The following ZMYND8 variants were observed in gnomAD, a reference collection of about 807,000 sequenced individuals.
ZMYND8 encodes the protein MYND-type zinc finger-containing chromatin reader ZMYND8.
In ZMYND8, 37 loss-of-function variants were observed where a neutral mutation model predicts 140.8. The observed-to-expected ratio is 0.26, with a 90% CI of 0.20 to 0.35. The LOEUF (loss-of-function observed/expected upper bound fraction) is 0.35, where lower values mean the gene tolerates loss of function less well. ZMYND8 is among the 10% of genes least tolerant of loss of function. The pLI is 1.00. For missense variants in ZMYND8, 1,068 were observed against 1,570.0 expected (o/e 0.68, Z 5.40); for synonymous variants, 592 against 597.1 (o/e 0.99, Z 0.12).
At chr20:47,306,208 A>T (rs1433976175) in intron 3 of ZMYND8, among the ~76,000 whole-genome samples, 2 of 152,272 alleles carry the variant, frequency 1.3e-5, no homozygotes, top group East Asian at 3.9e-4. Flanking sequence ...GGCAAGAAAG[A>T]AAGTGAGACC....
intron 11 of ZMYND8, among the ~76,000 whole-genome samples, chr20:47,265,671 G>A (rs1180927441): frequency 6.6e-6 from 1 of 152,162 alleles, no homozygotes; most frequent in Non-Finnish European, 1.5e-5. Flanking sequence ...TCGAACTCCT[G>A]ACCTCAGGTG....
At chr20:47,272,759 A>G (rs2076035397) in intron 11 of ZMYND8, among the ~76,000 whole-genome samples, 1 of 152,234 alleles carries the variant, frequency 6.6e-6, no homozygotes, top group Non-Finnish European at 1.5e-5. Context: ...ACTGTTGTAC[A>G]AGTTTTATGC....
At chr20:47,224,701 C>A (rs1406273891) in intron 18 of ZMYND8, 145 bp from the exon 19 acceptor site, 2 of 1,410,416 alleles carry the variant, frequency 1.4e-6, no homozygotes, top group African/African-American at 2.8e-5. Context: ...AATAACCTAG[C>A]CCGAGTCTTC....
At chr20:47,290,544 T>G (rs952624310) in intron 6 of ZMYND8, among the ~76,000 whole-genome samples, 1 of 151,962 alleles carries the variant, frequency 6.6e-6, no homozygotes, top group Non-Finnish European at 1.5e-5. Flanking sequence ...TCATTTATCA[T>G]GTAGCTTCTT....
At chr20:47,258,797 C>G (rs1211889257) in intron 12 of ZMYND8, among the ~76,000 whole-genome samples, 1 of 152,102 alleles carries the variant, frequency 6.6e-6, no homozygotes, top group Admixed American at 6.5e-5. Context: ...TTAACATTGC[C>G]CTGCTTGTTC....
chr20:47,320,633 G>T (rs372821087), intron 2 of ZMYND8: 2 of 152,384 alleles, frequency 1.3e-5, no homozygotes, highest in African/African-American at 4.8e-5. Context: ...GCTGAGGCAG[G>T]AGAATCGCTT....
In ZMYND8 at chr20:47,301,945, G is replaced by C. The variant is rs531197643; in HGVS notation, c.235-2998C>G. 2.6e-5 allele frequency among the ~76,000 whole-genome samples: 4 copies of C among 152,066 alleles called. No homozygotes were observed. In the South Asian group the frequency reaches 8.3e-4, roughly 32 times the overall value. On this transcript the variant is annotated intron_variant, in intron 3 of 22. Coordinates refer to ENST00000471951, the MANE Select transcript of ZMYND8 (RefSeq NM_001281775.3). The stretch of plus-strand genomic sequence containing the variant: ...ATAGTAAGTTCTCACAAGATCTGAT[G>C]GTTTTATAAGGAGCTTTTCCTCCTC...
intron 1 of ZMYND8, chr20:47,351,671 G>A (rs2082793893): frequency 2.0e-6 from 2 of 985,248 alleles, no homozygotes; most frequent in Non-Finnish European, 2.4e-6. Flanking sequence ...TTGGGGTGGG[G>A]GGGAATGGTT....
At chr20:47,344,644 A>G (rs920314132) in intron 2 of ZMYND8, among the ~76,000 whole-genome samples, 1 of 152,240 alleles carries the variant, frequency 6.6e-6, no homozygotes, top group East Asian at 1.9e-4. Flanking sequence ...TGGTAATAAC[A>G]TATCAAAATT....
chr20:47,325,093 C>A (rs570327712), intron 2 of ZMYND8, among the ~76,000 whole-genome samples: 1 of 151,982 alleles, frequency 6.6e-6, no homozygotes, highest in Non-Finnish European at 1.5e-5. Context: ...TTGGTAGAGA[C>A]GGGGTTTCAC....
chr20:47,339,904 G>T (rs1171439458), intron 2 of ZMYND8, among the ~76,000 whole-genome samples: 8 of 151,996 alleles, frequency 5.3e-5, no homozygotes, highest in Non-Finnish European at 1.0e-4. Flanking sequence ...CTAGAAAGGG[G>T]GCAAGACAGA....
At chr20:47,343,783 C>T (rs574531428) in intron 2 of ZMYND8, among the ~76,000 whole-genome samples, 124 of 152,148 alleles carry the variant, frequency 8.1e-4, no homozygotes, top group South Asian at 1.5e-3. Flanking sequence ...AGGCATGAGC[C>T]ACCACATCCA....
chr20:47,320,717 C>A, intron 2 of ZMYND8: 1 of 152,282 alleles, frequency 6.6e-6, no homozygotes, highest in Non-Finnish European at 1.5e-5. Context: ...GAGCAAGATG[C>A]CATCTCAAAA....
intron 5 of ZMYND8, among the ~76,000 whole-genome samples, chr20:47,294,136 T>G (rs980621019): frequency 2.6e-5 from 4 of 151,566 alleles, no homozygotes; most frequent in Non-Finnish European, 5.9e-5. Context: ...TCACTTGAGG[T>G]CAGGAGTTTG....
chr20:47,343,383 CAATAA>C (rs562858846), intron 2 of ZMYND8, among the ~76,000 whole-genome samples: 410 of 152,218 alleles, frequency 2.7e-3, no homozygotes, highest in Middle Eastern at 6.8e-3. Context: ...ATGATTTGAG[CAATAA>C]AATAAATAAG....
rs566278097 is a variant in ZMYND8 at position 47,249,457 on chromosome 20, AC to A, written c.1622-19del. ...GCTTCGATCTGAAAGAAACCATCAC[AC>A]CCTCGTAAGATCAGGCACACACCAT... On this transcript the variant is annotated intron_variant, in intron 12 of 22. Transcript: ENST00000471951. 1,443 of 1,612,446 alleles carry A rather than the reference AC, an allele frequency of 8.9e-4. 1 individual carries two copies. The highest frequency in any genetic ancestry group is 1.1e-3 in the Non-Finnish European group (1,324 of 1,179,064).
In ZMYND8 at chr20:47,282,227, G is replaced by A; in HGVS notation, c.883-10C>T. On this transcript the variant is annotated splice_polypyrimidine_tract_variant and intron_variant, in intron 9 of 22. Coordinates refer to ENST00000471951, the MANE Select transcript of ZMYND8 (RefSeq NM_001281775.3). The stretch of plus-strand genomic sequence containing the variant: ...AAGGATGTGGATTGCTCTAGGAAAA[G>A]AAAAACAAGATCCAGAGTTTGTACA... 1 of 1,606,080 alleles carries A rather than the reference G, an allele frequency of 6.2e-7. No individual in the cohort carries two copies. The highest frequency in any genetic ancestry group is 1.7e-5 in the Admixed American group (1 of 58,112).
chr20:47,311,192 T>C (rs552321091), intron 2 of ZMYND8, among the ~76,000 whole-genome samples: 90 of 152,320 alleles, frequency 5.9e-4, no homozygotes, highest in Non-Finnish European at 8.5e-4. Flanking sequence ...CCACCGCCTC[T>C]GGGCCTCGTG....
intron 16 of ZMYND8, among the ~76,000 whole-genome samples, chr20:47,230,482 C>T (rs1393808181): frequency 5.9e-5 from 9 of 151,810 alleles, no homozygotes; most frequent in Non-Finnish European, 1.0e-4. Context: ...TTAGTAGAGA[C>T]GGGGTTTCAC....
Sources: allele counts gnomAD v4.1 joint callset (sites outside exome capture counted in the v4.1 genomes callset), GRCh38; gene constraint gnomAD v4.1.1; transcripts MANE v1.5; gene names NCBI Gene and HGNC (gene_info 2026-07-23, HGNC 2026-07-21).